The following POU2F1 variants were observed in gnomAD, a reference collection of about 807,000 sequenced individuals.
The protein encoded by POU2F1 is POU class 2 homeobox 1.
Under a neutral mutation model 84.9 loss-of-function variants are expected in POU2F1, and 16 were observed. That is an observed-to-expected ratio of 0.19 (90% CI 0.13 to 0.29). POU2F1 has a LOEUF of 0.29. Among genes scored for constraint, POU2F1 ranks in the 10% least tolerant of loss-of-function variants. POU2F1 has a pLI of 1.00. For synonymous variants in POU2F1, 368 were observed against 368.3 expected, an observed-to-expected ratio of 1.00 and a Z score of 0.01; for missense variants, 738 against 942.6, an observed-to-expected ratio of 0.78 and a Z score of 2.84.
chr1:167,222,594 T>G lies in POU2F1; in HGVS notation c.61+1636T>G, dbSNP rs1354739055. Among the ~76,000 whole-genome samples the G allele has an allele frequency of 4.6e-5, 7 of 152,048 alleles. No homozygotes were observed. In the South Asian group the frequency reaches 1.5e-3, roughly 32 times the overall value. ...CTCTAGCAGTTGCCTAGGCCTCATG[T>G]TCTCTGCTGCTTGATTTATTTACTA... On this transcript the variant is annotated intron_variant, in intron 1 of 15. Coordinates refer to ENST00000367866, the MANE Select transcript of POU2F1 (RefSeq NM_002697.4).
chr1:167,329,422 G>T, intron 1 of POU2F1: 1 of 1,231,738 alleles, frequency 8.1e-7, no homozygotes, highest in Non-Finnish European at 1.1e-6. Flanking sequence ...GAGGGGGAGA[G>T]TTGGACTGAG....
intron 1 of POU2F1, among the ~76,000 whole-genome samples, chr1:167,223,392 T>C (rs983591066): frequency 6.6e-6 from 1 of 152,202 alleles, no homozygotes; most frequent in Non-Finnish European, 1.5e-5. Flanking sequence ...TTTTGGTCTT[T>C]CCTGTGGTAA....
chr1:167,319,470 C>G (rs1203280327), intron 1 of POU2F1, among the ~76,000 whole-genome samples: 1 of 151,966 alleles, frequency 6.6e-6, no homozygotes, highest in Non-Finnish European at 1.5e-5. Flanking sequence ...CTGTTTCCCC[C>G]CTTTTGCTTT....
chr1:167,253,026 CCTT>C (rs111683251), intron 1 of POU2F1, among the ~76,000 whole-genome samples: 6 of 152,236 alleles, frequency 3.9e-5, no homozygotes, highest in African/African-American at 1.2e-4. Flanking sequence ...TAAAAAATGG[CCTT>C]CTTTTATCAC....
intron 2 of POU2F1, among the ~76,000 whole-genome samples, chr1:167,365,241 G>A (rs918755483): frequency 2.0e-5 from 3 of 152,020 alleles, no homozygotes; most frequent in Admixed American, 6.6e-5. Flanking sequence ...TTATATTTTT[G>A]TTTCTGTTTC....
chr1:167,334,513 T>G (rs1229980754), intron 2 of POU2F1, among the ~76,000 whole-genome samples: 1 of 152,180 alleles, frequency 6.6e-6, no homozygotes, highest in Non-Finnish European at 1.5e-5. Context: ...GCAGCCCACA[T>G]GTAAGTTTCC....
intron 1 of POU2F1, among the ~76,000 whole-genome samples, chr1:167,327,844 A>G (rs1656811472): frequency 1.3e-5 from 2 of 152,202 alleles, no homozygotes; most frequent in South Asian, 2.1e-4. Context: ...TACTAGTGTG[A>G]CATTGGATAA....
intron 1 of POU2F1, among the ~76,000 whole-genome samples, chr1:167,282,905 T>C (rs557164414): frequency 2.0e-5 from 3 of 152,256 alleles, no homozygotes; most frequent in Non-Finnish European, 4.4e-5. Flanking sequence ...ATTTACTAAA[T>C]ATCTCTGTCT....
intron 2 of POU2F1, among the ~76,000 whole-genome samples, chr1:167,353,349 C>CTTT (rs769922058): frequency 7.0e-5 from 10 of 142,048 alleles, no homozygotes; most frequent in African/African-American, 2.6e-4. Context: ...CTACCTTCTC[C>CTTT]TTTTTTTTTT....
At chr1:167,308,155 C>T (rs758586628) in intron 1 of POU2F1, among the ~76,000 whole-genome samples, 1 of 151,844 alleles carries the variant, frequency 6.6e-6, no homozygotes, top group African/African-American at 2.4e-5. Context: ...CAGCCTCTGC[C>T]GCCCGGGTTC....
At chr1:167,282,054 G>T (rs113832851) in intron 1 of POU2F1, among the ~76,000 whole-genome samples, 5 of 152,028 alleles carry the variant, frequency 3.3e-5, no homozygotes, top group African/African-American at 1.2e-4. Flanking sequence ...CTTGCCTAGG[G>T]TTCATGGACT....
intron 13 of POU2F1, among the ~76,000 whole-genome samples, chr1:167,406,265 AG>A (rs1649568267): frequency 6.6e-6 from 1 of 152,242 alleles, no homozygotes; most frequent in African/African-American, 2.4e-5. Flanking sequence ...TAATAGTAGA[AG>A]AAAGGACAAA....
chr1:167,329,145 C>T (rs756352345), intron 1 of POU2F1: 60 of 1,395,920 alleles, frequency 4.3e-5, no homozygotes, highest in Middle Eastern at 2.1e-4. Context: ...TTCCACCCTA[C>T]GCAACCCCCC....
chr1:167,305,782 G>A (rs1294929350), intron 1 of POU2F1, among the ~76,000 whole-genome samples: 1 of 152,048 alleles, frequency 6.6e-6, no homozygotes, highest in African/African-American at 2.4e-5. Flanking sequence ...GAAATTTATT[G>A]AGATAATCTG....
chr1:167,259,063 G>GT (rs1172652631), intron 1 of POU2F1, among the ~76,000 whole-genome samples: 1 of 152,184 alleles, frequency 6.6e-6, no homozygotes, highest in African/African-American at 2.4e-5. Context: ...GCTTACTCGT[G>GT]TATCTATGAC....
At chr1:167,301,328 G>C (rs1654687776) in intron 1 of POU2F1, among the ~76,000 whole-genome samples, 1 of 152,208 alleles carries the variant, frequency 6.6e-6, no homozygotes, top group Non-Finnish European at 1.5e-5. Context: ...AGTTACTGCT[G>C]TTGGGCTGAA....
chr1:167,413,391 T>C (rs1036955763), intron 15 of POU2F1, among the ~76,000 whole-genome samples: 4 of 152,206 alleles, frequency 2.6e-5, no homozygotes, highest in African/African-American at 9.7e-5. Context: ...ACTTTCATGC[T>C]AATATTGATC....
chr1:167,234,053 A>G (rs35870957), intron 1 of POU2F1, among the ~76,000 whole-genome samples: 1 of 152,218 alleles, frequency 6.6e-6, no homozygotes, highest in Non-Finnish European at 1.5e-5. Flanking sequence ...TGTTTTGATT[A>G]TAGCAGTAAG....
chr1:167,235,219 C>T (rs1649359403), intron 1 of POU2F1, among the ~76,000 whole-genome samples: 1 of 151,792 alleles, frequency 6.6e-6, no homozygotes, highest in African/African-American at 2.4e-5. Context: ...CTAAGTCCCC[C>T]CATCTTCCTC....
Sources: gnomAD v4.1 joint callset for allele counts (sites outside exome capture counted in the v4.1 genomes callset) on GRCh38, gnomAD v4.1.1 for gene constraint, MANE v1.5 for transcripts, NCBI Gene and HGNC (gene_info 2026-07-23, HGNC 2026-07-21) for gene names.